RAB7A: variants seen among roughly 807,000 people sequenced by gnomAD.
The protein encoded by RAB7A is RAB7A, member RAS oncogene family, also known as ras-related protein Rab-7a.
Under a neutral mutation model 24.5 loss-of-function variants are expected in RAB7A, and 2 were observed. The ratio of observed to expected loss-of-function variants is 0.08; its 90% CI spans 0.03 to 0.26. The LOEUF (loss-of-function observed/expected upper bound fraction) is 0.26. RAB7A is among the 10% of genes least tolerant of loss of function. The probability of loss-of-function intolerance (pLI) is 1.00; values close to 1 mark genes in which losing one functional copy is unlikely to be tolerated. For synonymous variants in RAB7A, 100 were observed against 95.9 expected, an observed-to-expected ratio of 1.04 and a Z score of -0.25; for missense variants, 118 against 255.7, an observed-to-expected ratio of 0.46 and a Z score of 3.67.
At chr3:128,752,609 G>C (rs1200695263) in intron 1 of RAB7A, among the ~76,000 whole-genome samples, 3 of 152,078 alleles carry the variant, frequency 2.0e-5, no homozygotes, top group Non-Finnish European at 1.5e-5. Flanking sequence ...ATCCAGCCAA[G>C]TGCTTATTTA....
chr3:128,734,453 T>TC (rs2070470065), intron 1 of RAB7A, among the ~76,000 whole-genome samples: 2 of 46,196 alleles, frequency 4.3e-5, no homozygotes, highest in Admixed American at 3.1e-4. Flanking sequence ...AGACCCTACC[T>TC]CAAAAAAAAA....
intron 3 of RAB7A, chr3:128,798,756 A>G (rs1195313517): frequency 5.7e-6 from 1 of 176,238 alleles, no homozygotes; most frequent in East Asian, 1.7e-4. Flanking sequence ...TTGAGCCTGC[A>G]GTGAGCTGTG....
intron 1 of RAB7A, among the ~76,000 whole-genome samples, chr3:128,729,569 CAAAA>C (rs71153142): frequency 4.1e-5 from 4 of 97,124 alleles, no homozygotes; most frequent in Non-Finnish European, 4.8e-5. Flanking sequence ...GACTTCTTCT[CAAAA>C]AAAAAAAAAA....
chr3:128,764,033 A>T (rs1299107534), intron 1 of RAB7A, among the ~76,000 whole-genome samples: 4 of 152,254 alleles, frequency 2.6e-5, no homozygotes, highest in African/African-American at 9.6e-5. Flanking sequence ...AGAGCAAGCA[A>T]CAAGTGAGCA....
intron 3 of RAB7A, among the ~76,000 whole-genome samples, chr3:128,799,363 A>G (rs1236958499): frequency 3.3e-5 from 5 of 152,060 alleles, no homozygotes; most frequent in Non-Finnish European, 1.5e-5. Context: ...GAAGTCTCCA[A>G]CTTTTAGCTC....
At chr3:128,778,053 A>ATACTT (rs1314820411) in intron 1 of RAB7A, among the ~76,000 whole-genome samples, 1 of 152,314 alleles carries the variant, frequency 6.6e-6, no homozygotes, top group Non-Finnish European at 1.5e-5. Flanking sequence ...GAGGGAAAGA[A>ATACTT]GATGGTGTAG....
At chr3:128,811,998 A>G (rs1350220437) in intron 5 of RAB7A, among the ~76,000 whole-genome samples, 1 of 152,078 alleles carries the variant, frequency 6.6e-6, no homozygotes, top group African/African-American at 2.4e-5. Context: ...CCAGGATGGT[A>G]TAGAATGGGG....
At chr3:128,780,469 G>A (rs991476275) in intron 1 of RAB7A, among the ~76,000 whole-genome samples, 2 of 152,166 alleles carry the variant, frequency 1.3e-5, no homozygotes, top group Non-Finnish European at 2.9e-5. Context: ...AAAGCTACAG[G>A]ACACAATCTT....
intron 1 of RAB7A, among the ~76,000 whole-genome samples, chr3:128,737,830 T>TTTG (rs2070507129): frequency 1.4e-5 from 1 of 69,904 alleles, no homozygotes; most frequent in Admixed American, 1.3e-4. Context: ...TTGTAGTTTT[T>TTTG]TTTTTTTTTT....
intron 1 of RAB7A, among the ~76,000 whole-genome samples, chr3:128,777,685 C>T (rs1933127397): frequency 6.6e-6 from 1 of 152,178 alleles, no homozygotes; most frequent in Admixed American, 6.5e-5. Flanking sequence ...TTACCCTGCT[C>T]AGCCAAGGAC....
chr3:128,734,478 GGAAAGAAAA>G (rs2070471033), intron 1 of RAB7A, among the ~76,000 whole-genome samples: 1 of 135,486 alleles, frequency 7.4e-6, no homozygotes, highest in African/African-American at 2.8e-5. Flanking sequence ...AAAAAAAAAA[GGAAAGAAAA>G]GAAAGAAAGG....
At chr3:128,765,901 A>T (rs906003754) in intron 1 of RAB7A, among the ~76,000 whole-genome samples, 2 of 152,024 alleles carry the variant, frequency 1.3e-5, no homozygotes, top group Non-Finnish European at 2.9e-5. Context: ...AGCTGGGATT[A>T]CAGGTGCATG....
intron 1 of RAB7A, among the ~76,000 whole-genome samples, chr3:128,741,920 CA>C (rs1275667410): frequency 6.6e-6 from 1 of 152,048 alleles, no homozygotes; most frequent in Non-Finnish European, 1.5e-5. Flanking sequence ...CTCCCAGGCT[CA>C]GGCGATCCTC....
chr3:128,734,021 T>C (rs1400628101), intron 1 of RAB7A, among the ~76,000 whole-genome samples: 2 of 152,208 alleles, frequency 1.3e-5, no homozygotes, highest in Non-Finnish European at 2.9e-5. Flanking sequence ...ATGGTACAGC[T>C]TGTTTACTCA....
intron 3 of RAB7A, 108 bp from the exon 4 acceptor site, chr3:128,806,264 T>C (rs1933800002): frequency 1.0e-6 from 1 of 954,010 alleles, no homozygotes; most frequent in African/African-American, 1.7e-5. Flanking sequence ...CATTTGTCTT[T>C]GTGGGTGGCC....
intron 1 of RAB7A, among the ~76,000 whole-genome samples, chr3:128,734,661 TC>T (rs10590195): frequency 5.7e-4 from 87 of 152,152 alleles, no homozygotes; most frequent in African/African-American, 1.9e-3. Flanking sequence ...ATTCCAACTC[TC>T]TTTTTTGGTC....
chr3:128,801,124 A>T (rs1933689816), intron 3 of RAB7A, among the ~76,000 whole-genome samples: 1 of 152,250 alleles, frequency 6.6e-6, no homozygotes, highest in Non-Finnish European at 1.5e-5. Flanking sequence ...AATAAGGAGG[A>T]TACAGAGTTT....
intron 1 of RAB7A, among the ~76,000 whole-genome samples, chr3:128,776,945 TACACAC>T (rs71153145): frequency 0.13 from 18,707 of 142,156 alleles, 1,262 homozygotes; most frequent in South Asian, 0.2. Flanking sequence ...TTAGTTGAGC[TACACAC>T]ACACACACAC....
At chr3:128,805,189 C>T (rs963809898) in intron 3 of RAB7A, among the ~76,000 whole-genome samples, 6 of 152,136 alleles carry the variant, frequency 3.9e-5, no homozygotes, top group African/African-American at 1.4e-4. Context: ...ATACATATTC[C>T]ATGTAGAACA....
Sources: allele counts gnomAD v4.1 joint callset (sites outside exome capture counted in the v4.1 genomes callset), GRCh38; gene constraint gnomAD v4.1.1; transcripts MANE v1.5; gene names NCBI Gene and HGNC (gene_info 2026-07-23, HGNC 2026-07-21).